The following NDUFA10 variants were observed in gnomAD, a reference collection of about 807,000 sequenced individuals.
NDUFA10 encodes the protein NADH:ubiquinone oxidoreductase subunit A10.
Under a neutral mutation model 47.8 loss-of-function variants are expected in NDUFA10, and 40 were observed. That is an observed-to-expected ratio of 0.84 (90% CI 0.65 to 1.09). The LOEUF (loss-of-function observed/expected upper bound fraction) is 1.09. Ranked by LOEUF, NDUFA10 falls within the 50% of genes least tolerant of loss-of-function variation. NDUFA10 has a pLI of 0.00. For missense variants in NDUFA10, 413 were observed against 451.1 expected (o/e 0.92, Z 0.76); for synonymous variants, 183 against 172.2 (o/e 1.06, Z -0.49).
intron 5 of NDUFA10, chr2:240,014,090 A>AG (rs1265131797): frequency 6.5e-6 from 1 of 153,440 alleles, no homozygotes; most frequent in Non-Finnish European, 1.4e-5. Flanking sequence ...TCTCAAAAAA[A>AG]AAAAACAAAG....
chr2:239,905,419 T>G (rs912830998), intron 4 of NDUFA10, among the ~76,000 whole-genome samples: 9 of 152,148 alleles, frequency 5.9e-5, no homozygotes, highest in African/African-American at 2.2e-4. Flanking sequence ...GCCTCGAAGA[T>G]TTGCACCGGG....
chr2:239,941,926 T>G (rs929515424), intron 4 of NDUFA10, among the ~76,000 whole-genome samples: 1 of 152,190 alleles, frequency 6.6e-6, no homozygotes, highest in African/African-American at 2.4e-5. Context: ...AATATCAGTT[T>G]TCAACATAAG....
chr2:239,910,243 C>A (rs529354119), intron 4 of NDUFA10, among the ~76,000 whole-genome samples: 1 of 152,310 alleles, frequency 6.6e-6, no homozygotes, highest in South Asian at 2.1e-4. Flanking sequence ...ATAAATCATT[C>A]TATTATAAAG....
intron 4 of NDUFA10, 142 bp from the exon 5 acceptor site, chr2:240,015,002 G>C: frequency 1.6e-6 from 2 of 1,266,980 alleles, no homozygotes; most frequent in Non-Finnish European, 2.2e-6. Context: ...CTCGGTCACA[G>C]TTCTAAGCAC....
At chr2:239,952,850 C>T (rs1294745389), downstream of NDUFA10, among the ~76,000 whole-genome samples, 1 of 152,242 alleles carries the variant, frequency 6.6e-6, no homozygotes, top group Non-Finnish European at 1.5e-5. Flanking sequence ...CCAGAAAACG[C>T]AAGGCACAGC....
At chr2:239,924,401 T>C (rs1694037211) in intron 4 of NDUFA10, among the ~76,000 whole-genome samples, 1 of 151,924 alleles carries the variant, frequency 6.6e-6, no homozygotes, top group African/African-American at 2.4e-5. Context: ...TTGAAAATAA[T>C]ATAATACACC....
At chr2:239,897,360 A>G (rs1693417293) in intron 4 of NDUFA10, among the ~76,000 whole-genome samples, 1 of 152,142 alleles carries the variant, frequency 6.6e-6, no homozygotes, top group Admixed American at 6.5e-5. Context: ...GATTCTTCCC[A>G]TGACTCTTTA....
Position 239,928,418 on chromosome 2 carries a change from T to C in NDUFA10, c.295-33104A>G, listed in dbSNP as rs1272601800. Among the ~76,000 whole-genome samples the C allele has an allele frequency of 6.6e-6, 1 of 152,180 alleles. No individual in the cohort carries two copies. The highest frequency in any genetic ancestry group is 1.5e-5 in the Non-Finnish European group (1 of 68,032). On this transcript the variant is annotated intron_variant, in intron 4 of 5. Transcript: ENST00000419408. This position sits in a 1 kb window ranked among gnomAD's most constrained non-coding sequence, Gnocchi z 4.3. ...GAGGAAAAAGGAAAACCACTTGCGATCTGAAAATTACTTCTATTGTGATTA... is the reference window on the plus strand; with the variant it reads ...GAGGAAAAAGGAAAACCACTTGCGACCTGAAAATTACTTCTATTGTGATTA...
intron 4 of NDUFA10, among the ~76,000 whole-genome samples, chr2:239,912,288 C>T (rs946066211): frequency 2.0e-5 from 3 of 152,184 alleles, no homozygotes; most frequent in Non-Finnish European, 4.4e-5. Flanking sequence ...AGGCTCCCAT[C>T]CTGGGCAGAA....
rs1693660235 is a variant in NDUFA10, at chr2:239,906,630, C to A, written c.295-11316G>T. Among the ~76,000 whole-genome samples the A allele has an allele frequency of 6.6e-6, 1 of 152,142 alleles. No individual in the cohort carries two copies. Among genetic ancestry groups the A allele is most frequent in the Non-Finnish European group, 1.5e-5 (1 of 68,030 alleles). On this transcript the variant is annotated intron_variant, in intron 4 of 5. Transcript: ENST00000419408. This position sits in a 1 kb window ranked among gnomAD's most constrained non-coding sequence, Gnocchi z 4.3. ...GATGGCAAGAGCCAACCAGCGTGCC[C>A]CCGGGAATGCTGGTCCAGACGCTTT...
At chr2:239,904,985 C>CTAT (rs1212045124) in intron 4 of NDUFA10, among the ~76,000 whole-genome samples, 1 of 152,326 alleles carries the variant, frequency 6.6e-6, no homozygotes, top group Non-Finnish European at 1.5e-5. Context: ...AGACACCTGT[C>CTAT]ATTGGGAAGC....
intron 9 of NDUFA10, among the ~76,000 whole-genome samples, chr2:239,962,060 C>T (rs750419203): frequency 6.6e-6 from 1 of 152,174 alleles, no homozygotes; most frequent in Admixed American, 6.5e-5. Context: ...CTGGCTGAGA[C>T]GGAAAGAGGA....
At chr2:239,922,515 G>A (rs1312355513) in intron 4 of NDUFA10, among the ~76,000 whole-genome samples, 1 of 152,222 alleles carries the variant, frequency 6.6e-6, no homozygotes, top group African/African-American at 2.4e-5. Flanking sequence ...CTCGGATAGT[G>A]ACCATGTGTT....
At position 240,011,567 on chromosome 2, in the gene NDUFA10, G is replaced by A. The variant is rs760439750; in HGVS notation, c.749+50C>T. 39 of 1,452,852 alleles carry A rather than the reference G, an allele frequency of 2.7e-5. 1 individual carries two copies. Among genetic ancestry groups the A allele is most frequent in the South Asian group, 2.2e-4 (19 of 87,744 alleles). 90.0% of individuals were successfully genotyped at this position (1,452,852 alleles called of 1,614,324 possible). A position where few individuals can be genotyped will look rare whatever the true frequency, so the allele number is the denominator to read the frequency against. ...CCTGGGCTGTTGGGGCCTAAGAAAC[G>A]AGTGGCGAAGAAGTTTTAGCCCTGT... is the stretch of plus-strand genomic sequence containing the variant. On this transcript the variant is annotated intron_variant, in intron 6 of 9. Transcript: ENST00000252711.
In NDUFA10 at chr2:240,005,257, C is replaced by A. The variant is rs755474649; in HGVS notation, c.843G>T (p.Gly281=). The change falls in exon 8 of 10, where the codon GGG becomes GGT. Residue 281 remains glycine, a synonymous_variant. Transcript: ENST00000252711. ...TGCGATTGTCCTGCTTGAGCCACGG[C>A]CCTTTATCGAACTTCAGGTATTCAA... ...EDIEYLKFDK[G]PWLKQDNRTL... is the part of the protein sequence containing the mutation. 7 of 1,613,992 alleles carry A rather than the reference C, an allele frequency of 4.3e-6. No homozygotes were observed. The highest frequency in any genetic ancestry group is 1.7e-5 in the Admixed American group (1 of 60,006).
At chr2:239,936,383 G>C (rs1694266363) in intron 4 of NDUFA10, among the ~76,000 whole-genome samples, 1 of 152,246 alleles carries the variant, frequency 6.6e-6, no homozygotes, top group South Asian at 2.1e-4. Flanking sequence ...TAAACAGGCA[G>C]AGCACAGACG....
chr2:239,908,245 T>C (rs1167343607), intron 4 of NDUFA10, among the ~76,000 whole-genome samples: 1 of 146,012 alleles, frequency 6.8e-6, no homozygotes, highest in Non-Finnish European at 1.5e-5. Flanking sequence ...CGGGGCCTGT[T>C]GTGGGGTGGG....
chr2:239,997,879 G>C (rs1213667669), intron 8 of NDUFA10, among the ~76,000 whole-genome samples: 1 of 152,160 alleles, frequency 6.6e-6, no homozygotes, highest in African/African-American at 2.4e-5. Context: ...GCTGGATCTG[G>C]CCCACAGGCC....
chr2:240,018,595 A>C lies in NDUFA10; in HGVS notation c.505T>G (p.Phe169Val). The change falls in exon 4 of 10, where the codon TTC becomes GTC. Residue 169 changes from phenylalanine (F) to valine (V), a missense_variant. Physicochemically the swap from Phe to Val is conservative, Grantham distance 50. Coordinates refer to ENST00000252711, the MANE Select transcript of NDUFA10 (RefSeq NM_004544.4). ...LERSIFSDFV[F>V]LEAMYNQGFI... ...CCCTGGTTGTACATCGCCTCCAGGAACACAAAGTCACTGAAGATGGAGCGC... is the reference window on the plus strand; with the variant it reads ...CCCTGGTTGTACATCGCCTCCAGGACCACAAAGTCACTGAAGATGGAGCGC... 6.2e-7 allele frequency: 1 copy of C among 1,614,222 alleles called. No homozygotes were observed. Among genetic ancestry groups the C allele is most frequent in the South Asian group, 1.1e-5 (1 of 91,082 alleles).
Sources: allele counts gnomAD v4.1 joint callset (sites outside exome capture counted in the v4.1 genomes callset), GRCh38; gene constraint gnomAD v4.1.1; non-coding constraint Gnocchi (gnomAD v3.1); transcripts MANE v1.5; gene names NCBI Gene and HGNC (gene_info 2026-07-23, HGNC 2026-07-21).